The following APLP1 variants were observed in gnomAD, a reference collection of about 807,000 sequenced individuals.
The protein encoded by APLP1 is amyloid beta (A4) precursor-like protein 1.
In APLP1, 46 loss-of-function variants were observed where a neutral mutation model predicts 84.5. The observed-to-expected ratio is 0.54, with a 90% CI of 0.43 to 0.70. The LOEUF (loss-of-function observed/expected upper bound fraction) is 0.70. Ranked by LOEUF, APLP1 falls within the 30% of genes least tolerant of loss-of-function variation. The pLI, the probability that APLP1 is intolerant of heterozygous loss-of-function variation, is 0.00. For synonymous variants in APLP1, 376 were observed against 364.0 expected (o/e 1.03, Z -0.38); for missense variants, 826 against 900.2 (o/e 0.92, Z 1.05).
Position 35,872,504 on chromosome 19 carries a change from C to T in APLP1, c.872C>T (p.Thr291Ile), listed in dbSNP as rs1459816040. 4.3e-6 allele frequency: 7 copies of T among 1,613,508 alleles called. No individual in the cohort carries two copies. The South Asian group carries it at 4.4e-5, about 10-fold the overall frequency. ...VGKVTPTPRPTDGVDIYFGMP... is the reference protein window; with the variant it reads ...VGKVTPTPRPIDGVDIYFGMP... The stretch of plus-strand genomic sequence containing the variant: ...GCAGTCACTCCCACCCCGAGGCCCA[C>T]AGACGGTGTGGATATTTACTTTGGC... Residue 291 changes from threonine to isoleucine, a missense_variant, in exon 7 of 17, where the codon ACA (threonine) becomes ATA (isoleucine). Transcript: ENST00000221891.
chr19:35,879,054 C>T lies in APLP1; in HGVS notation c.1714-20C>T, dbSNP rs1974347519. On this transcript the variant is annotated intron_variant, in intron 15 of 16. Coordinates refer to ENST00000221891, the MANE Select transcript of APLP1 (RefSeq NM_001024807.3). Reference sequence around the variant, plus strand: ...CAGGACCCTCAAAGAAGCCCTCTGCCCCATCTCCTCTCCCTGCAGGCACCA... The same window carrying T: ...CAGGACCCTCAAAGAAGCCCTCTGCTCCATCTCCTCTCCCTGCAGGCACCA... The T allele has an allele frequency of 6.2e-7, 1 of 1,612,654 alleles. No individual in the cohort carries two copies. Among genetic ancestry groups the T allele is most frequent in the Non-Finnish European group, 8.5e-7 (1 of 1,179,948 alleles).
intron 8 of APLP1, 70 bp downstream of exon 8, chr19:35,873,783 C>CT: frequency 6.9e-7 from 1 of 1,456,652 alleles, no homozygotes; most frequent in Non-Finnish European, 9.5e-7. Flanking sequence ...TCACCTGGCT[C>CT]TGGCTGTGCC....
chr19:35,878,753 C>A, intron 14 of APLP1, 99 bp downstream of exon 14: 3 of 1,544,288 alleles, frequency 1.9e-6, no homozygotes, highest in South Asian at 2.2e-5. Flanking sequence ...GATTCCTTGT[C>A]CTGAGGGAAG....
chr19:35,876,689 C>T (rs912819045), intron 11 of APLP1, 73 bp downstream of exon 11: 8 of 1,248,506 alleles, frequency 6.4e-6, no homozygotes, highest in Non-Finnish European at 8.9e-6. Context: ...GTTGGGCCCC[C>T]CCAATTTCAT....
At position 35,871,295 on chromosome 19, in the gene APLP1, G is replaced by A; in HGVS notation, c.483G>A (p.Gln161=). The change falls in exon 4 of 17, where the codon CAG becomes CAA. Residue 161 remains glutamine, a synonymous_variant. Coordinates refer to ENST00000221891, the MANE Select transcript of APLP1 (RefSeq NM_001024807.3). The stretch of plus-strand genomic sequence containing the variant: ...CTGAAGGCTGCCGGTTCTTGCACCA[G>A]GAGCGCATGGACCAATGTGAGAGTT... ...LVPEGCRFLH[Q]ERMDQCESST... is the part of the protein sequence containing the mutation. 1.2e-6 allele frequency: 2 copies of A among 1,613,576 alleles called. No individual in the cohort carries two copies. Among genetic ancestry groups the A allele is most frequent in the Non-Finnish European group, 1.7e-6 (2 of 1,179,814 alleles).
At chr19:35,869,401 T>C in intron 1 of APLP1, 2 of 634,418 alleles carry the variant, frequency 3.2e-6, no homozygotes, top group Non-Finnish European at 5.5e-6. Context: ...CCAGAGCGGC[T>C]GCGCTGGGGT....
chr19:35,869,908 T>TG (rs1974100209), intron 2 of APLP1, 98 bp downstream of exon 2: 1 of 1,450,630 alleles, frequency 6.9e-7, no homozygotes, highest in Non-Finnish European at 9.2e-7. Context: ...GCGTGGAGGC[T>TG]GGGGGGCGTG....
chr19:35,870,866 G>C (rs755662570), intron 2 of APLP1, 30 bp from the exon 3 acceptor site: 1 of 1,593,204 alleles, frequency 6.3e-7, no homozygotes, highest in East Asian at 2.3e-5. Flanking sequence ...GCGGGGCAGT[G>C]GGCTGATTGC....
At chr19:35,878,193 C>T (rs778840143) in intron 13 of APLP1, 85 bp downstream of exon 13, 1 of 1,413,120 alleles carries the variant, frequency 7.1e-7, no homozygotes, top group African/African-American at 1.4e-5. Flanking sequence ...CATTGGGAAC[C>T]TCAGACCCCC....
Position 35,870,784 on chromosome 19 carries a change from CAAAG to C in APLP1, c.292-98_292-95del, listed in dbSNP as rs372549150. 6.4e-3 allele frequency: 8,883 copies of C among 1,398,406 alleles called. 304 individuals carry two copies. The African/African-American group carries it at 0.092, about 15-fold the overall frequency. The allele number at this position is 1,398,406 out of a possible 1,614,324, so 86.6% of individuals were successfully genotyped here. A position where few individuals can be genotyped will look rare whatever the true frequency, so the allele number is the denominator to read the frequency against. ...GGGCGACAAGAGCAAATCTCCGTCT[CAAAG>C]AAAGAAAGAAAGAGGGAGAAAGAAA... On this transcript the variant is annotated intron_variant, in intron 2 of 16. Coordinates refer to ENST00000221891, the MANE Select transcript of APLP1 (RefSeq NM_001024807.3).
At position 35,877,772 on chromosome 19, in the gene APLP1, C is replaced by T. The variant is rs1433344485; in HGVS notation, c.1499C>T (p.Pro500Leu). The change falls in exon 12 of 17, where the codon CCT becomes CTT. Residue 500 changes from proline (P) to leucine (L), a missense_variant. Pro to Leu is a moderately conservative substitution (Grantham distance 98). Coordinates refer to ENST00000221891, the MANE Select transcript of APLP1 (RefSeq NM_001024807.3). The part of the protein sequence containing the change: ...LGPSELEAPA[P>L]GGSSEDKGGL... ...CCCAGTGAATTGGAAGCCCCTGCCCCTGGGGGCAGCAGCGAGGACAAGGGT... is the reference window on the plus strand; with the variant it reads ...CCCAGTGAATTGGAAGCCCCTGCCCTTGGGGGCAGCAGCGAGGACAAGGGT... 1.9e-6 allele frequency: 3 copies of T among 1,609,538 alleles called. No homozygotes were observed. The highest frequency in any genetic ancestry group is 2.2e-5 in the South Asian group (2 of 90,472).
intron 13 of APLP1, among the ~76,000 whole-genome samples, chr19:35,878,325 C>A (rs1234881074): frequency 6.6e-6 from 1 of 152,078 alleles, no homozygotes; most frequent in African/African-American, 2.4e-5. Context: ...GCAGGAGGAT[C>A]CCTTGAGGCC....
At chr19:35,877,241 C>T (rs1442019700) in intron 11 of APLP1, among the ~76,000 whole-genome samples, 3 of 152,146 alleles carry the variant, frequency 2.0e-5, no homozygotes, top group Non-Finnish European at 4.4e-5. Context: ...ATAATCCCAG[C>T]ACTTTAGGAG....
In APLP1 at chr19:35,876,647, A is replaced by C. The variant is rs758780056; in HGVS notation, c.1444+31A>C. On this transcript the variant is annotated intron_variant, in intron 11 of 16. Transcript: ENST00000221891. Reference sequence around the variant, plus strand: ...TGTCTATTACCCTGGCTCCCATTACAGATCTCTGAGGGCAGATCTTGACTC... The same window carrying C: ...TGTCTATTACCCTGGCTCCCATTACCGATCTCTGAGGGCAGATCTTGACTC... 108 of 1,548,282 alleles carry C rather than the reference A, an allele frequency of 7.0e-5. No individual in the cohort carries two copies. In the Middle Eastern group the frequency reaches 1.0e-3, roughly 15 times the overall value.
intron 10 of APLP1, among the ~76,000 whole-genome samples, chr19:35,875,471 G>T (rs922361914): frequency 6.6e-6 from 1 of 152,000 alleles, no homozygotes; most frequent in Non-Finnish European, 1.5e-5. Context: ...GACTACAGGC[G>T]GGTGTCACCA....
rs375432388 is a variant in APLP1 at position 35,878,719 on chromosome 19, G to A, written c.1650+65G>A. 218 of 1,583,650 alleles carry A rather than the reference G, an allele frequency of 1.4e-4. 1 individual carries two copies. In the African/African-American group the frequency reaches 2.4e-3, roughly 17 times the overall value. ...GATCGGGGCCTATATGGCTGGGTAC[G>A]AGGGAGGAGATGCTGGGGGCTTGGA... is the stretch of plus-strand genomic sequence containing the variant. On this transcript the variant is annotated intron_variant, in intron 14 of 16. Transcript: ENST00000221891.
intron 14 of APLP1, 30 bp from the exon 15 acceptor site, chr19:35,878,860 C>T (rs1444890790): frequency 6.2e-6 from 10 of 1,613,726 alleles, no homozygotes; most frequent in Non-Finnish European, 8.5e-6. Context: ...TGCCAGGCTT[C>T]TGGGTTCCTG....
In APLP1 at chr19:35,879,342, G is replaced by C; in HGVS notation, c.1858-1G>C. 6.2e-7 allele frequency: 1 copy of C among 1,613,962 alleles called. No homozygotes were observed. The highest frequency in any genetic ancestry group is 1.7e-5 in the Admixed American group (1 of 60,016). On this transcript the variant is annotated splice_acceptor_variant, in intron 16 of 16. Transcript: ENST00000221891. LOFTEE classifies it high-confidence loss of function. ...TCCTTTCCCTCCCCTGCTCGTTGCA[G>C]GTGGACCCCATGCTGACCCTGGAGG...
Position 35,874,725 on chromosome 19 carries a change from T to C in APLP1, c.1216-16T>C. The C allele has an allele frequency of 6.2e-7, 1 of 1,612,434 alleles. No individual in the cohort carries two copies. Among genetic ancestry groups the C allele is most frequent in the Non-Finnish European group, 8.5e-7 (1 of 1,178,888 alleles). ...AGGGTCAGGGCGGGCTTGGGCATCCTGTGTCCCTTCCACAGGCGGAGCGTG... is the reference window on the plus strand; with the variant it reads ...AGGGTCAGGGCGGGCTTGGGCATCCCGTGTCCCTTCCACAGGCGGAGCGTG... On this transcript the variant is annotated splice_polypyrimidine_tract_variant and intron_variant, in intron 9 of 16. Transcript: ENST00000221891. This position sits in a 1 kb window ranked among gnomAD's most constrained non-coding sequence, Gnocchi z 6.4.
Sources: allele counts gnomAD v4.1 joint callset (sites outside exome capture counted in the v4.1 genomes callset), GRCh38; gene constraint gnomAD v4.1.1; non-coding constraint Gnocchi (gnomAD v3.1); transcripts MANE v1.5; gene names NCBI Gene and HGNC (gene_info 2026-07-23, HGNC 2026-07-21).